The following HLA-G variants were observed in gnomAD, a reference collection of about 807,000 sequenced individuals.
The protein encoded by HLA-G is HLA class I histocompatibility antigen, alpha chain G.
HLA-G carries 34 observed loss-of-function variants against 39.3 expected under a neutral mutation model. The ratio of observed to expected loss-of-function variants is 0.86; its 90% CI spans 0.66 to 1.15. HLA-G has a LOEUF of 1.15. Among genes scored for constraint, HLA-G ranks in the 50% most tolerant of loss-of-function variants. The pLI is 0.00. For synonymous variants in HLA-G, 183 were observed against 185.8 expected (o/e 0.99, Z 0.12); for missense variants, 419 against 456.4 (o/e 0.92, Z 0.75).
rs1016219928 is a variant in HLA-G, at chr6:29,830,243, T to G, written c.1013-135T>G. 9 of 1,037,328 alleles carry G rather than the reference T, an allele frequency of 8.7e-6. 1 individual carries two copies. The highest frequency in any genetic ancestry group is 1.4e-5 in the Non-Finnish European group (9 of 658,824). 64.3% of individuals were successfully genotyped at this position (1,037,328 alleles called of 1,614,324 possible). A position where few individuals can be genotyped will look rare whatever the true frequency, so the allele number is the denominator to read the frequency against. The stretch of plus-strand genomic sequence containing the variant: ...GAGGACCCACATCTGCTTTCCTTGT[T>G]TTTCCTGATCCCGCCCTGGGTCTGC... On this transcript the variant is annotated intron_variant, in intron 5 of 6. Coordinates refer to ENST00000360323, the MANE Select transcript of HLA-G (RefSeq NM_001384290.1).
chr6:29,828,575 G>C lies in HLA-G; in HGVS notation c.376G>C (p.Asp126His). 1 of 1,613,016 alleles carries C rather than the reference G, an allele frequency of 6.2e-7. No individual in the cohort carries two copies. Among genetic ancestry groups the C allele is most frequent in the Non-Finnish European group, 8.5e-7 (1 of 1,179,956 alleles). The change falls in exon 3 of 7, where the codon GAC becomes CAC. Residue 126 changes from aspartate (D) to histidine (H), a missense_variant. Physicochemically the swap from Asp to His is moderately conservative, Grantham distance 81 (BLOSUM62 -1). Around this residue, in one of 2 missense-constraint regions of HLA-G, gnomAD observed 328 missense variants for 323.0 expected, o/e 1.02. Transcript: ENST00000360323. Reference sequence around the variant, plus strand: ...CACCCTCCAGTGGATGATTGGCTGCGACCTGGGGTCCGACGGACGCCTCCT... The same window carrying C: ...CACCCTCCAGTGGATGATTGGCTGCCACCTGGGGTCCGACGGACGCCTCCT... ...SHTLQWMIGC[D>H]LGSDGRLLRG...
At position 29,829,480 on chromosome 6, in the gene HLA-G, TGG is replaced by T. The variant is rs1761063061; in HGVS notation, c.684_685del (p.Trp228CysfsTer60). The T allele has an allele frequency of 6.2e-7, 1 of 1,613,748 alleles. No homozygotes were observed. Among genetic ancestry groups the T allele is most frequent in the Admixed American group, 1.7e-5 (1 of 59,990 alleles). ...VFDYEATLRC[W>X]ALGFYPAEII... ...TGACTATGAGGCCACCCTGAGGTGC[TGG>T]GCCCTGGGCTTCTACCCTGCGGAGA... On this transcript the variant is annotated frameshift_variant, in exon 4 of 7. Transcript: ENST00000360323. LOFTEE classifies it high-confidence loss of function.
rs778467118 is a variant in HLA-G, at chr6:29,829,435, G to C, written c.637G>C (p.Val213Leu). The change falls in exon 4 of 7, where the codon GTG (valine) becomes CTG (leucine). Residue 213 changes from valine to leucine, a missense_variant. This residue lies in a region of HLA-G where 328 missense variants were observed against 323.0 expected (regional missense o/e 1.02). Transcript: ENST00000360323. ...CCTTTCAGACCCCCCCAAGACACAC[G>C]TGACCCACCACCCTGTCTTTGACTA... ...LQRADPPKTH[V>L]THHPVFDYEA... 6.2e-7 allele frequency: 1 copy of C among 1,613,554 alleles called. No homozygotes were observed. The highest frequency in any genetic ancestry group is 8.5e-7 in the Non-Finnish European group (1 of 1,179,744).
At chr6:29,830,486 C>A (rs1005916313) in intron 6 of HLA-G, 76 bp downstream of exon 6, 2 of 1,253,716 alleles carry the variant, frequency 1.6e-6, no homozygotes, top group Middle Eastern at 3.7e-4. Flanking sequence ...CTCACCCACC[C>A]CACAATTCCT....
chr6:29,826,484 G>C (rs1486457178), upstream of HLA-G, among the ~76,000 whole-genome samples: 4 of 152,102 alleles, frequency 2.6e-5, no homozygotes, highest in African/African-American at 9.7e-5. Context: ...ATAGTAGCAG[G>C]ACCACTATAG....
upstream of HLA-G, chr6:29,827,343 A>C: frequency 2.8e-6 from 1 of 355,624 alleles, no homozygotes; most frequent in Non-Finnish European, 5.5e-6. Flanking sequence ...TCCCAGGGCG[A>C]GCTCACTCTC....
chr6:29,828,361 A>C, intron 2 of HLA-G, 45 bp downstream of exon 2: 1 of 1,581,744 alleles, frequency 6.3e-7, no homozygotes, highest in Non-Finnish European at 8.6e-7. Flanking sequence ...CCCCACCTCC[A>C]TGCCCCACGG....
In HLA-G at chr6:29,830,439, A is replaced by G. The variant is rs560504170; in HGVS notation, c.*28+29A>G. 145 of 1,595,720 alleles carry G rather than the reference A, an allele frequency of 9.1e-5. No individual in the cohort carries two copies. In the South Asian group the frequency reaches 1.4e-3, roughly 15 times the overall value. On this transcript the variant is annotated intron_variant, in intron 6 of 6. Coordinates refer to ENST00000360323, the MANE Select transcript of HLA-G (RefSeq NM_001384290.1). ...AGTATGAAGGAGGCTGATCCCTGAGATCCTTGGGATCTTGTGTTTGGGAGC... is the reference window on the plus strand; with the variant it reads ...AGTATGAAGGAGGCTGATCCCTGAGGTCCTTGGGATCTTGTGTTTGGGAGC...
chr6:29,828,789 A>G lies in HLA-G; in HGVS notation c.590A>G (p.Glu197Gly), dbSNP rs1263870442. 1.2e-6 allele frequency: 2 copies of G among 1,614,074 alleles called. No homozygotes were observed. The highest frequency in any genetic ancestry group is 2.2e-5 in the South Asian group (2 of 91,086). Reference protein sequence around the residue: ...TCVEWLHRYLENGKEMLQRAD... With the variant: ...TCVEWLHRYLGNGKEMLQRAD... The stretch of plus-strand genomic sequence containing the variant: ...GTGGAGTGGCTCCACAGATACCTGG[A>G]GAACGGGAAGGAGATGCTGCAGCGC... The change falls in exon 3 of 7, where the codon GAG becomes GGG. Residue 197 changes from glutamate (E) to glycine (G), a missense_variant. Around this residue, in one of 2 missense-constraint regions of HLA-G, gnomAD observed 328 missense variants for 323.0 expected, o/e 1.02. Coordinates refer to ENST00000360323, the MANE Select transcript of HLA-G (RefSeq NM_001384290.1).
At position 29,828,280 on chromosome 6, in the gene HLA-G, C is replaced by G. The variant is rs1311016872; in HGVS notation, c.307C>G (p.Gln103Glu). ...CGCACAGACTGACAGAATGAACCTG[C>G]AGACCCTGCGCGGCTACTACAACCA... ...AHAQTDRMNL[Q>E]TLRGYYNQSE... Residue 103 changes from glutamine to glutamate, a missense_variant, in exon 2 of 7, where the codon CAG becomes GAG. By Grantham distance (29) the Gln-to-Glu change is conservative. Transcript: ENST00000360323. 1 of 1,613,388 alleles carries G rather than the reference C, an allele frequency of 6.2e-7. No homozygotes were observed. The highest frequency in any genetic ancestry group is 2.2e-5 in the East Asian group (1 of 44,872).
rs768569399 is a variant in HLA-G at position 29,828,300 on chromosome 6, C to A, written c.327C>A (p.Tyr109Ter). 2 of 1,612,880 alleles carry A rather than the reference C, an allele frequency of 1.2e-6. No individual in the cohort carries two copies. The highest frequency in any genetic ancestry group is 2.7e-5 in the African/African-American group (2 of 74,904). The change falls in exon 2 of 7, where the codon TAC becomes TAA. Residue 109 changes from tyrosine (Y) to a stop codon, truncating the protein, a stop_gained. Coordinates refer to ENST00000360323, the MANE Select transcript of HLA-G (RefSeq NM_001384290.1). LOFTEE classifies it high-confidence loss of function. ...ACCTGCAGACCCTGCGCGGCTACTA[C>A]AACCAGAGCGAGGCCAGTGAGTAAC... Reference protein sequence around the residue: ...RMNLQTLRGYYNQSEASSHTL... With the variant: ...RMNLQTLRGY
Position 29,828,135 on chromosome 6 carries a change from C to T in HLA-G, c.162C>T (p.Asp54=), listed in dbSNP as rs1172253880. 2 of 1,613,142 alleles carry T rather than the reference C, an allele frequency of 1.2e-6. No individual in the cohort carries two copies. Among genetic ancestry groups the T allele is most frequent in the East Asian group, 2.2e-5 (1 of 44,860 alleles). Residue 54 remains aspartate, a synonymous_variant, in exon 2 of 7, where the codon GAC becomes GAT. Transcript: ENST00000360323. The stretch of plus-strand genomic sequence containing the variant: ...TCATCGCCATGGGCTACGTGGACGA[C>T]ACGCAGTTCGTGCGGTTCGACAGCG... ...PRFIAMGYVD[D]TQFVRFDSDS...
At chr6:29,827,113 G>T (rs1329679683), upstream of HLA-G, 1 of 481,582 alleles carries the variant, frequency 2.1e-6, no homozygotes, top group African/African-American at 2.0e-5. Flanking sequence ...TAAGAGCTTT[G>T]TGAGTCGTGT....
At position 29,828,611 on chromosome 6, in the gene HLA-G, G is replaced by C. The variant is rs1459341178; in HGVS notation, c.412G>C (p.Glu138Gln). 2.5e-6 allele frequency: 4 copies of C among 1,613,042 alleles called. No homozygotes were observed. The highest frequency in any genetic ancestry group is 3.4e-6 in the Non-Finnish European group (4 of 1,180,018). Residue 138 changes from glutamate (E) to glutamine (Q), a missense_variant, in exon 3 of 7, where the codon GAA becomes CAA. Glu to Gln is a conservative substitution (Grantham distance 29). Around this residue, in one of 2 missense-constraint regions of HLA-G, gnomAD observed 328 missense variants for 323.0 expected, o/e 1.02. Coordinates refer to ENST00000360323, the MANE Select transcript of HLA-G (RefSeq NM_001384290.1). Reference sequence around the variant, plus strand: ...CGACGGACGCCTCCTCCGCGGGTATGAACAGTATGCCTACGATGGCAAGGA... The same window carrying C: ...CGACGGACGCCTCCTCCGCGGGTATCAACAGTATGCCTACGATGGCAAGGA... ...GSDGRLLRGYEQYAYDGKDYL... is the reference protein window; with the variant it reads ...GSDGRLLRGYQQYAYDGKDYL...
At chr6:29,830,174 A>G (rs1736912) in intron 5 of HLA-G, among the ~76,000 whole-genome samples, 73,750 of 151,954 alleles carry the variant, frequency 0.49, 18,134 homozygotes, top group South Asian at 0.67. Flanking sequence ...ACAGGTCAGG[A>G]GAAGGTCCCT....
At chr6:29,830,512 C>T (rs879242015) in intron 6 of HLA-G, 102 bp downstream of exon 6, 204 of 1,015,476 alleles carry the variant, frequency 2.0e-4, no homozygotes, top group South Asian at 1.4e-3. Flanking sequence ...GGCCACATCT[C>T]CTGTGGTCTC....
chr6:29,830,447 G>A, intron 6 of HLA-G, 37 bp downstream of exon 6: 1 of 1,589,940 alleles, frequency 6.3e-7, no homozygotes. Context: ...AGATCCTTGG[G>A]ATCTTGTGTT....
rs1459390951 is a variant in HLA-G, at chr6:29,829,702, G to A, written c.895+9G>A. The A allele has an allele frequency of 6.8e-6, 11 of 1,611,526 alleles. No homozygotes were observed. Among genetic ancestry groups the A allele is most frequent in the Non-Finnish European group, 9.3e-6 (11 of 1,179,232 alleles). Reference sequence around the variant, plus strand: ...CCTCATGCTGAGATGGAGTAAGGAGGGAGATGGAGGCATCATGTCTGTTAG... The same window carrying A: ...CCTCATGCTGAGATGGAGTAAGGAGAGAGATGGAGGCATCATGTCTGTTAG... On this transcript the variant is annotated intron_variant, in intron 4 of 6. Coordinates refer to ENST00000360323, the MANE Select transcript of HLA-G (RefSeq NM_001384290.1).
chr6:29,827,965 G>T (rs757163323), intron 1 of HLA-G, 48 bp downstream of exon 1: 1 of 1,588,490 alleles, frequency 6.3e-7, no homozygotes, highest in Non-Finnish European at 8.6e-7. Context: ...GAGGAGGGAG[G>T]GGCCGGCCCG....
Sources: allele counts gnomAD v4.1 joint callset (sites outside exome capture counted in the v4.1 genomes callset), GRCh38; gene constraint gnomAD v4.1.1; regional missense constraint gnomAD v4.1.1; transcripts MANE v1.5; gene names NCBI Gene and HGNC (gene_info 2026-07-23, HGNC 2026-07-21).